Variants in APBB1 observed in about 807,000 individuals in gnomAD.
APBB1 encodes amyloid beta precursor protein binding family B member 1, also known as adaptor protein FE65a2.
Under a neutral mutation model 78.4 loss-of-function variants are expected in APBB1, and 22 were observed. The ratio of observed to expected loss-of-function variants is 0.28; its 90% CI spans 0.20 to 0.40. APBB1 has a LOEUF of 0.40. Ranked by LOEUF, APBB1 falls within the 10% of genes least tolerant of loss-of-function variation. APBB1 has a pLI of 1.00. For synonymous variants in APBB1, 369 were observed against 372.7 expected (o/e 0.99, Z 0.12); for missense variants, 749 against 932.4 (o/e 0.80, Z 2.56).
chr11:6,405,606 G>A, intron 2 of APBB1: 2 of 986,000 alleles, frequency 2.0e-6, no homozygotes, highest in Non-Finnish European at 2.4e-6. Flanking sequence ...CAAGGTGGCT[G>A]CACACCTGAC....
At chr11:6,414,411 G>A (rs1006309860) in intron 1 of APBB1, among the ~76,000 whole-genome samples, 1 of 152,156 alleles carries the variant, frequency 6.6e-6, no homozygotes, top group African/African-American at 2.4e-5. Context: ...TATCTGAGAC[G>A]GTGTCTTATT....
At chr11:6,400,906 A>G in intron 12 of APBB1, 83 bp downstream of exon 12, 2 of 1,268,510 alleles carry the variant, frequency 1.6e-6, no homozygotes, top group Non-Finnish European at 2.3e-6. Context: ...AAGGTCTGGT[A>G]GAAGAAGTAT....
intron 1 of APBB1, among the ~76,000 whole-genome samples, chr11:6,414,576 T>C (rs1482844562): frequency 6.6e-6 from 1 of 152,070 alleles, no homozygotes; most frequent in African/African-American, 2.4e-5. Context: ...AGAAAGGCTG[T>C]GTGGCCCAAT....
chr11:6,418,023 T>C (rs1198671618), intron 1 of APBB1, among the ~76,000 whole-genome samples: 1 of 152,182 alleles, frequency 6.6e-6, no homozygotes, highest in African/African-American at 2.4e-5. Context: ...TTAGCATATA[T>C]ATGAAATTTG....
At chr11:6,406,711 C>T (rs542069711) in intron 2 of APBB1, among the ~76,000 whole-genome samples, 5 of 152,094 alleles carry the variant, frequency 3.3e-5, no homozygotes, top group Admixed American at 6.5e-5. Context: ...CCCTTACTCT[C>T]GATTTTCACC....
rs766392663 is a variant in APBB1 at position 6,401,826 on chromosome 11, T to C, written c.1389-138A>G. 1 of 1,420,814 alleles carries C rather than the reference T, an allele frequency of 7.0e-7. No homozygotes were observed. Among genetic ancestry groups the C allele is most frequent in the South Asian group, 1.2e-5 (1 of 84,224 alleles). The allele number at this position is 1,420,814 out of a possible 1,614,324, so 88.0% of individuals were successfully genotyped here. A position where few individuals can be genotyped will look rare whatever the true frequency, so the allele number is the denominator to read the frequency against. Reference sequence around the variant, plus strand: ...CAGCTGGTCCCCCATAGGTGCTGCCTTCTTGGGGGGGAGGGGTAGACAGGC... The same window carrying C: ...CAGCTGGTCCCCCATAGGTGCTGCCCTCTTGGGGGGGAGGGGTAGACAGGC... On this transcript the variant is annotated intron_variant, in intron 9 of 14. Coordinates refer to ENST00000609360, the MANE Select transcript of APBB1 (RefSeq NM_001164.5). The surrounding 1 kb of genome is among the most constrained non-coding windows in gnomAD (Gnocchi z 4.5).
Position 6,402,186 on chromosome 11 carries a change from C to T in APBB1, c.1278G>A (p.Leu426=). The T allele has an allele frequency of 6.2e-7, 1 of 1,613,988 alleles. No individual in the cohort carries two copies. The highest frequency in any genetic ancestry group is 1.7e-4 in the Middle Eastern group (1 of 6,056). The part of the protein sequence containing the change: ...WGEGKDLLLQ[L]EDETLKLVEP... ...CCACTAGCTTTAGTGTCTCATCCTC[C>T]AGCTGCAGTAGCAGATCCTTTCCCT... Residue 426 remains leucine (L), a synonymous_variant, in exon 8 of 15, where the codon CTG becomes CTA. Coordinates refer to ENST00000609360, the MANE Select transcript of APBB1 (RefSeq NM_001164.5).
intron 2 of APBB1, chr11:6,404,898 C>T (rs761764642): frequency 9.4e-5 from 141 of 1,496,730 alleles, no homozygotes; most frequent in Non-Finnish European, 1.2e-4. Context: ...CAGAGAAAAG[C>T]TCATCCCGCC....
Position 6,404,932 on chromosome 11 carries a change from C to T in APBB1, c.722-1110G>A, listed in dbSNP as rs1590780882. On this transcript the variant is annotated intron_variant, in intron 2 of 14. Coordinates refer to ENST00000609360, the MANE Select transcript of APBB1 (RefSeq NM_001164.5). ...CCCCCTTCTCACCAGGGCAGAGCGT[C>T]TGCCAGGCAAGATCCTCCCCCGCTT... 10 of 1,447,928 alleles carry T rather than the reference C, an allele frequency of 6.9e-6. No homozygotes were observed. In the East Asian group the frequency reaches 2.5e-4, roughly 36 times the overall value. 89.7% of individuals were successfully genotyped at this position (1,447,928 alleles called of 1,614,324 possible).
At chr11:6,410,118 A>C (rs547377553) in intron 2 of APBB1, among the ~76,000 whole-genome samples, 211 of 150,500 alleles carry the variant, frequency 1.4e-3, no homozygotes, top group African/African-American at 4.9e-3. Flanking sequence ...TCCCAAGTGC[A>C]CCTGAGTGCA....
chr11:6,412,251 C>T (rs1848985152), intron 1 of APBB1, among the ~76,000 whole-genome samples: 1 of 152,218 alleles, frequency 6.6e-6, no homozygotes, highest in Non-Finnish European at 1.5e-5. Flanking sequence ...CTCTCGGGTT[C>T]AAGTGATTCT....
upstream of APBB1, chr11:6,419,187 G>A: frequency 3.1e-6 from 1 of 321,138 alleles, no homozygotes; most frequent in Non-Finnish European, 5.7e-6. Flanking sequence ...CGGCGGGCGC[G>A]GCACTTGCCG....
intron 12 of APBB1, among the ~76,000 whole-genome samples, chr11:6,397,343 G>T (rs143883873): frequency 6.6e-6 from 1 of 152,210 alleles, no homozygotes; most frequent in Non-Finnish European, 1.5e-5. Context: ...CTGGATCAAG[G>T]CCAAACTGCT....
Position 6,398,668 on chromosome 11 carries a change from G to T in APBB1, c.1672+2321C>A, listed in dbSNP as rs550885995. 2.6e-4 allele frequency among the ~76,000 whole-genome samples: 39 copies of T among 152,298 alleles called. 1 individual carries two copies. The South Asian group carries it at 7.5e-3, about 29-fold the overall frequency. ...GGACGAGAAGGAGGAAAGCAAAGGC[G>T]TAAGGGTCAGCATGCTTTTCTCACC... On this transcript the variant is annotated intron_variant, in intron 12 of 14. Coordinates refer to ENST00000609360, the MANE Select transcript of APBB1 (RefSeq NM_001164.5).
chr11:6,410,077 G>A (rs1848919201), intron 2 of APBB1, among the ~76,000 whole-genome samples: 2 of 149,686 alleles, frequency 1.3e-5, no homozygotes, highest in African/African-American at 2.5e-5. Flanking sequence ...GTGAGACTCT[G>A]TCTCAAAAAA....
At position 6,411,319 on chromosome 11, in the gene APBB1, G is replaced by A. The variant is rs749187223; in HGVS notation, c.29C>T (p.Ser10Leu). 23 of 1,552,398 alleles carry A rather than the reference G, an allele frequency of 1.5e-5. No homozygotes were observed. The highest frequency in any genetic ancestry group is 1.2e-4 in the Admixed American group (6 of 51,860). MSVPSSLSQ[S>L]AINANSHGGP... ...TCCGTGGCTGTTGGCATTAATGGCC[G>A]ACTGGCTCAGTGATGATGGAACAGA... Residue 10 changes from serine to leucine, a missense_variant, in exon 2 of 15, where the codon TCG becomes TTG. By Grantham distance (145) the Ser-to-Leu change is moderately radical. Coordinates refer to ENST00000609360, the MANE Select transcript of APBB1 (RefSeq NM_001164.5). The surrounding 1 kb of genome is among the most constrained non-coding windows in gnomAD (Gnocchi z 5.2).
rs369323672 is a variant in APBB1 at position 6,402,741 on chromosome 11, G to T, written c.1105-16C>A. 13 of 1,613,774 alleles carry T rather than the reference G, an allele frequency of 8.1e-6. No homozygotes were observed. The Admixed American group carries it at 2.0e-4, about 25-fold the overall frequency. On this transcript the variant is annotated splice_polypyrimidine_tract_variant and intron_variant, in intron 6 of 14. Coordinates refer to ENST00000609360, the MANE Select transcript of APBB1 (RefSeq NM_001164.5). ...CGGCGAAACACTGCCAGACACAGAA[G>T]AGGGGCAGGAGGTAGAGGATCTGAG...
rs1848154846 is a variant in APBB1, at chr11:6,395,425, T to G, written c.*109A>C. On this transcript the variant is annotated 3_prime_UTR_variant, in exon 15 of 15. Coordinates refer to ENST00000609360, the MANE Select transcript of APBB1 (RefSeq NM_001164.5). The surrounding 1 kb of genome is among the most constrained non-coding windows in gnomAD (Gnocchi z 5.2). ...GAACCGTAGCTACTGGGGAGGGGCA[T>G]ATTTGGGAGGCCTGAGGCCTAGGAA... 4 of 1,232,886 alleles carry G rather than the reference T, an allele frequency of 3.2e-6. No homozygotes were observed. Among genetic ancestry groups the G allele is most frequent in the Non-Finnish European group, 4.3e-6 (4 of 924,624 alleles). 76.4% of individuals were successfully genotyped at this position (1,232,886 alleles called of 1,614,324 possible).
chr11:6,400,667 G>C (rs1160951077), intron 12 of APBB1, among the ~76,000 whole-genome samples: 2 of 151,028 alleles, frequency 1.3e-5, no homozygotes, highest in African/African-American at 5.0e-5. Flanking sequence ...ACAGGCTGCT[G>C]TCTGGTGTCC....
Sources: allele counts gnomAD v4.1 joint callset (sites outside exome capture counted in the v4.1 genomes callset), GRCh38; gene constraint gnomAD v4.1.1; non-coding constraint Gnocchi (gnomAD v3.1); transcripts MANE v1.5; gene names NCBI Gene and HGNC (gene_info 2026-07-23, HGNC 2026-07-21).